Variants in NDE1 observed in about 807,000 individuals in gnomAD.
The protein encoded by NDE1 is nudE neurodevelopment protein 1, also known as nuclear distribution protein nudE homolog 1.
Under a neutral mutation model 43.4 loss-of-function variants are expected in NDE1, and 28 were observed. The ratio of observed to expected loss-of-function variants is 0.65; its 90% confidence interval spans 0.48 to 0.89. The LOEUF (loss-of-function observed/expected upper bound fraction) is 0.89, where lower values mean the gene tolerates loss of function less well. Ranked by LOEUF, NDE1 falls within the 40% of genes least tolerant of loss-of-function variation. NDE1 has a pLI of 0.00. For synonymous variants in NDE1, 184 were observed against 172.0 expected (o/e 1.07, Z -0.55); for missense variants, 441 against 434.1 (o/e 1.02, Z -0.14).
rs1355456734 is a variant in NDE1 at position 15,681,193 on chromosome 16, A to G, written c.386+3244A>G. Among the ~76,000 whole-genome samples the G allele has an allele frequency of 3.2e-5, 3 of 94,628 alleles. No individual in the cohort carries two copies. In the East Asian group the frequency reaches 8.7e-4, roughly 27 times the overall value. The allele number at this position is 94,628 out of a possible 152,430, so 62.1% of individuals were successfully genotyped here. ...GTATCTAGTATAAGATACAAGTTCA[A>G]TTTTATTTTTATTTTCTTTAGGTGG... On this transcript the variant is annotated intron_variant, in intron 4 of 8. Coordinates refer to ENST00000396354, the MANE Select transcript of NDE1 (RefSeq NM_017668.3).
chr16:15,710,675 G>A (rs565933036), intron 8 of NDE1, among the ~76,000 whole-genome samples: 17 of 151,618 alleles, frequency 1.1e-4, no homozygotes, highest in African/African-American at 4.1e-4. Flanking sequence ...ACATCTGAGG[G>A]TTTTTGTTTT....
Position 15,691,172 on chromosome 16 carries a change from G to A in NDE1, c.552G>A (p.Gln184=), listed in dbSNP as rs2038729552. The A allele has an allele frequency of 5.0e-6, 8 of 1,614,016 alleles. No individual in the cohort carries two copies. In the Admixed American group the frequency reaches 8.3e-5, roughly 17 times the overall value. The change falls in exon 6 of 9, where the codon CAG becomes CAA. Residue 184 remains glutamine, a synonymous_variant. Coordinates refer to ENST00000396354, the MANE Select transcript of NDE1 (RefSeq NM_017668.3). ...RDLRQELAVQ[Q]KQEKPRTPMP... is the part of the protein sequence containing the mutation. ...TGCGGCAGGAACTGGCCGTGCAGCA[G>A]AAGCAGGAGAAACCCAGGACCCCCA...
intron 8 of NDE1, chr16:15,718,158 A>C: frequency 8.6e-7 from 1 of 1,157,350 alleles, no homozygotes; most frequent in Non-Finnish European, 1.3e-6. Flanking sequence ...GCACTGGTGT[A>C]AGGGCCCTGG....
upstream of NDE1, among the ~76,000 whole-genome samples, chr16:15,648,201 T>C (rs1424804328): frequency 2.0e-5 from 3 of 152,176 alleles, no homozygotes; most frequent in Non-Finnish European, 4.4e-5. Context: ...ATTTATCCTT[T>C]CTTTGTGTTA....
At chr16:15,699,923 A>G (rs2039169775) in intron 8 of NDE1, 5 of 1,246,956 alleles carry the variant, frequency 4.0e-6, no homozygotes, top group Non-Finnish European at 5.2e-6. Flanking sequence ...TTGAGAAATA[A>G]GAGCAGTCAC....
chr16:15,691,880 C>T (rs190442664), intron 6 of NDE1, among the ~76,000 whole-genome samples: 171 of 152,060 alleles, frequency 1.1e-3, no homozygotes, highest in Non-Finnish European at 1.5e-3. Context: ...CCGCCCACCT[C>T]GGCTGATCCC....
At chr16:15,652,136 G>A (rs916154286) in intron 1 of NDE1, 8 of 152,076 alleles carry the variant, frequency 5.3e-5, no homozygotes, top group Admixed American at 2.0e-4. Flanking sequence ...CTGACCTCGT[G>A]ATCTGCCCAC....
At chr16:15,687,608 C>T in intron 5 of NDE1, 97 bp downstream of exon 5, 2 of 1,172,672 alleles carry the variant, frequency 1.7e-6, no homozygotes, top group Non-Finnish European at 1.3e-6. Context: ...TTTACAGGGA[C>T]CCCACACCCT....
intron 4 of NDE1, among the ~76,000 whole-genome samples, chr16:15,682,026 GTAT>G (rs2038207851): frequency 6.6e-6 from 1 of 152,182 alleles, no homozygotes; most frequent in East Asian, 1.9e-4. Context: ...TTTTCTTGTA[GTAT>G]TTTTGTTTTT....
chr16:15,696,871 T>G lies in NDE1; in HGVS notation c.947+11T>G, dbSNP rs529252658. On this transcript the variant is annotated intron_variant, in intron 8 of 8. Transcript: ENST00000396354. ...TTTGGGTGATAAGGGGTCAGTACCTTCTAATAAACCTCTCGCTGGCGGGGA... is the reference window on the plus strand; with the variant it reads ...TTTGGGTGATAAGGGGTCAGTACCTGCTAATAAACCTCTCGCTGGCGGGGA... 2 of 1,613,860 alleles carry G rather than the reference T, an allele frequency of 1.2e-6. No individual in the cohort carries two copies. Among genetic ancestry groups the G allele is most frequent in the African/African-American group, 2.7e-5 (2 of 75,046 alleles).
Position 15,724,323 on chromosome 16 carries a change from G to T in NDE1, c.*72G>T, listed in dbSNP as rs760611400. The T allele has an allele frequency of 5.6e-6, 9 of 1,613,968 alleles. No homozygotes were observed. Among genetic ancestry groups the T allele is most frequent in the Admixed American group, 3.3e-5 (2 of 59,988 alleles). On this transcript the variant is annotated 3_prime_UTR_variant, in exon 9 of 9. Coordinates refer to ENST00000396354, the MANE Select transcript of NDE1 (RefSeq NM_017668.3). ...CCTCGTACTGCTGGGTGAGGTTCTC[G>T]ATCTCCTTCTGGAACCTCTTCTTCC...
intron 4 of NDE1, chr16:15,687,054 A>T (rs1386352585): frequency 1.6e-6 from 2 of 1,224,866 alleles, no homozygotes; most frequent in Non-Finnish European, 2.1e-6. Flanking sequence ...AAGATGGAGC[A>T]TAGTGGTCTT....
intron 1 of NDE1, among the ~76,000 whole-genome samples, chr16:15,653,522 G>T (rs1172452857): frequency 6.6e-6 from 1 of 152,102 alleles, no homozygotes; most frequent in Non-Finnish European, 1.5e-5. Flanking sequence ...GGATGGAGAA[G>T]GGTGTTGAGT....
At position 15,691,234 on chromosome 16, in the gene NDE1, C is replaced by G. The variant is rs755124504; in HGVS notation, c.614C>G (p.Ala205Gly). The change falls in exon 6 of 9, where the codon GCT becomes GGT. Residue 205 changes from alanine (A) to glycine (G), a missense_variant. Physicochemically the swap from Ala to Gly is moderately conservative, Grantham distance 60. Transcript: ENST00000396354. ...SSVEAERTDT[A>G]VQATGSVPST... ...GTGGAAGCTGAGAGGACAGACACAG[C>G]TGTGCAGGCCACGGGCTCCGTGCCG... 3 of 1,614,218 alleles carry G rather than the reference C, an allele frequency of 1.9e-6. No homozygotes were observed. Among genetic ancestry groups the G allele is most frequent in the East Asian group, 4.5e-5 (2 of 44,890 alleles).
chr16:15,695,902 C>T (rs1175631528), intron 7 of NDE1: 5 of 165,134 alleles, frequency 3.0e-5, no homozygotes, highest in Non-Finnish European at 6.2e-5. Context: ...TCTTGCCATT[C>T]TGCAGAGGTT....
chr16:15,650,066 G>T (rs562744434), upstream of NDE1, among the ~76,000 whole-genome samples: 7 of 152,144 alleles, frequency 4.6e-5, no homozygotes, highest in African/African-American at 1.4e-4. Context: ...CTCCGGCCAG[G>T]AGCCTTCGCC....
chr16:15,686,172 G>A (rs1279000722), intron 4 of NDE1, among the ~76,000 whole-genome samples: 2 of 151,966 alleles, frequency 1.3e-5, no homozygotes, highest in Non-Finnish European at 2.9e-5. Flanking sequence ...GGCTGGTCTC[G>A]AACTCCTGAC....
intron 8 of NDE1, among the ~76,000 whole-genome samples, chr16:15,701,031 T>C (rs2039201931): frequency 6.7e-6 from 1 of 150,096 alleles, no homozygotes; most frequent in Non-Finnish European, 1.5e-5. Context: ...AGGTCAGGAG[T>C]TCAAGACCAG....
chr16:15,712,012 A>C (rs2039826215), intron 8 of NDE1, among the ~76,000 whole-genome samples: 1 of 151,700 alleles, frequency 6.6e-6, no homozygotes, highest in Non-Finnish European at 1.5e-5. Context: ...TCTTTAGGGA[A>C]AGTTGACCAG....
Sources: gnomAD v4.1 joint callset for allele counts (sites outside exome capture counted in the v4.1 genomes callset) on GRCh38, gnomAD v4.1.1 for gene constraint, MANE v1.5 for transcripts, NCBI Gene and HGNC (gene_info 2026-07-23, HGNC 2026-07-21) for gene names.